The following EIF4G1 variants were observed in gnomAD, a reference collection of about 807,000 sequenced individuals.
The protein encoded by EIF4G1 is eukaryotic translation initiation factor 4 gamma 1, also known as EIF4-gamma.
A neutral mutation model predicts 187.8 loss-of-function variants in EIF4G1; 4 were observed. The ratio of observed to expected loss-of-function variants is 0.02; its 90% CI spans 0.01 to 0.05. The LOEUF is 0.05. EIF4G1 is among the 10% of genes least tolerant of loss of function. The probability of loss-of-function intolerance (pLI) is 1.00; values close to 1 mark genes in which losing one functional copy is unlikely to be tolerated. For synonymous variants in EIF4G1, 844 were observed against 781.4 expected, an observed-to-expected ratio of 1.08 and a Z score of -1.34; for missense variants, 1,647 against 2,081.1, an observed-to-expected ratio of 0.79 and a Z score of 4.06.
chr3:184,321,840 G>A lies in EIF4G1; in HGVS notation c.1256G>A (p.Ser419Asn). ...SPPAVDLSPVSEPEEQAKEVT... is the reference protein window; with the variant it reads ...SPPAVDLSPVNEPEEQAKEVT... ...CCAGCTGTGGACTTAAGCCCAGTCA[G>A]TGAGCCAGAGGAGCAGGCCAAGGAG... Residue 419 changes from serine (S) to asparagine (N), a missense_variant, in exon 10 of 33, where the codon AGT (serine) becomes AAT (asparagine). Transcript: ENST00000346169. 1 of 1,614,170 alleles carries A rather than the reference G, an allele frequency of 6.2e-7. No individual in the cohort carries two copies. Among genetic ancestry groups the A allele is most frequent in the Non-Finnish European group, 8.5e-7 (1 of 1,180,044 alleles).
chr3:184,320,516 C>T (rs1723708561), intron 7 of EIF4G1, 114 bp from the exon 8 acceptor site: 5 of 1,583,562 alleles, frequency 3.2e-6, no homozygotes, highest in Non-Finnish European at 4.3e-6. Context: ...CTGGCACCTA[C>T]CTACCTGCTT....
rs769269958 is a variant in EIF4G1 at position 184,317,783 on chromosome 3, C to A, written c.391C>A (p.Pro131Thr). 1.9e-6 allele frequency: 3 copies of A among 1,614,126 alleles called. No homozygotes were observed. The highest frequency in any genetic ancestry group is 1.7e-6 in the Non-Finnish European group (2 of 1,180,000). The change falls in exon 6 of 33, where the codon CCA becomes ACA. Residue 131 changes from proline (P) to threonine (T), a missense_variant. Coordinates refer to ENST00000346169, the MANE Select transcript of EIF4G1 (RefSeq NM_198241.3). ...GCAGCCAGGAGCCCCAGGCTTCTAT[C>A]CAGGTGCAAGCCCTACAGAATTTGG... ...PVQPGAPGFY[P>T]GASPTEFGTY...
intron 6 of EIF4G1, chr3:184,319,324 G>C (rs1723364383): frequency 3.1e-6 from 1 of 320,596 alleles, no homozygotes; most frequent in African/African-American, 2.1e-5. Context: ...CATGTTGATA[G>C]CGGGTGGGGT....
In EIF4G1 at chr3:184,320,719, C is replaced by G. The variant is rs1413825516; in HGVS notation, c.627C>G (p.Pro209=). Residue 209 remains proline (P), a synonymous_variant, in exon 8 of 33, where the codon CCC becomes CCG. Transcript: ENST00000346169. ...GARTASTPTP[P]QTGGGLEPQA... is the part of the protein sequence containing the mutation. ...GCACTGCCTCCACACCCACCCCTCC[C>G]CAGGTACTGTCTGCTTTTCGAGTGA... The G allele has an allele frequency of 9.3e-6, 15 of 1,614,188 alleles. 2 individuals carry two copies. The South Asian group carries it at 1.6e-4, about 18-fold the overall frequency.
In EIF4G1 at chr3:184,323,038, A is replaced by G. The variant is rs763135528; in HGVS notation, c.1930-45A>G. On this transcript the variant is annotated intron_variant, in intron 13 of 32. Transcript: ENST00000346169. The surrounding 1 kb of genome is among the most constrained non-coding windows in gnomAD (Gnocchi z 6.9). ...GCCTGAGGTCCTGAAAGAGTAGTCA[A>G]CCGCTCTAGCCTGCTTCTGAGACCT... 20 of 1,614,002 alleles carry G rather than the reference A, an allele frequency of 1.2e-5. No homozygotes were observed. The highest frequency in any genetic ancestry group is 9.9e-5 in the South Asian group (9 of 91,080).
At chr3:184,332,739 G>T (rs1726362776) in intron 32 of EIF4G1, among the ~76,000 whole-genome samples, 1 of 152,104 alleles carries the variant, frequency 6.6e-6, no homozygotes, top group Admixed American at 6.5e-5. Context: ...CACTATGTGT[G>T]TTCTTTCTAC....
intron 31 of EIF4G1, 40 bp downstream of exon 31, chr3:184,331,849 TGACA>T (rs1726173178): frequency 6.2e-7 from 1 of 1,613,968 alleles, no homozygotes; most frequent in African/African-American, 1.3e-5. Context: ...AGGGTGGGCC[TGACA>T]GACAAGTGGA....
Position 184,325,036 on chromosome 3 carries a change from C to T in EIF4G1, c.2778C>T (p.Asn926=), listed in dbSNP as rs1218057936. ...MHDCVVKLLK[N]HDEESLECLC... The stretch of plus-strand genomic sequence containing the variant: ...ACTGTGTGGTCAAACTGCTTAAGAA[C>T]CATGATGAAGAGTCCCTTGAGTGCC... Residue 926 remains asparagine, a synonymous_variant, in exon 18 of 33, where the codon AAC becomes AAT. Transcript: ENST00000346169. The surrounding 1 kb of genome is among the most constrained non-coding windows in gnomAD (Gnocchi z 5.2). 2.5e-6 allele frequency: 4 copies of T among 1,614,090 alleles called. No individual in the cohort carries two copies. The highest frequency in any genetic ancestry group is 3.3e-5 in the Admixed American group (2 of 60,010).
At chr3:184,331,686 G>A (rs1457398756) in intron 30 of EIF4G1, 42 bp from the exon 31 acceptor site, 1 of 1,613,980 alleles carries the variant, frequency 6.2e-7, no homozygotes, top group Non-Finnish European at 8.5e-7. Context: ...AGACTGAAGG[G>A]CCCAATTCAG....
chr3:184,320,192 G>A (rs977150788), intron 7 of EIF4G1: 30 of 1,074,578 alleles, frequency 2.8e-5, no homozygotes, highest in African/African-American at 1.8e-4. Context: ...AGCCCTGGGC[G>A]TGGTGCCCAG....
chr3:184,326,837 G>A (rs1476204582), intron 22 of EIF4G1, 44 bp from the exon 23 acceptor site: 2 of 1,611,668 alleles, frequency 1.2e-6, no homozygotes, highest in Non-Finnish European at 8.5e-7. Context: ...ATAAAATGCA[G>A]GAAAGGAGAA....
chr3:184,322,870 G>A lies in EIF4G1; in HGVS notation c.1845G>A (p.Glu615=), dbSNP rs1724155151. Residue 615 remains glutamate, a synonymous_variant, in exon 13 of 33, where the codon GAG becomes GAA. Transcript: ENST00000346169. The part of the protein sequence containing the change: ...NLEEKKRYDR[E]FLLGFQFIFA... ...AGGAGAAAAAACGTTACGACCGTGA[G>A]TTCCTGCTTGGTTTTCAGTTCATCT... 1.2e-6 allele frequency: 2 copies of A among 1,614,070 alleles called. No homozygotes were observed. The highest frequency in any genetic ancestry group is 1.7e-6 in the Non-Finnish European group (2 of 1,180,052).
At chr3:184,321,093 T>C in intron 9 of EIF4G1, 100 bp downstream of exon 9, 2 of 1,515,016 alleles carry the variant, frequency 1.3e-6, no homozygotes, top group African/African-American at 1.4e-5. Context: ...CAGAGAATGA[T>C]GACTTAGATT....
intron 26 of EIF4G1, chr3:184,328,359 C>G: frequency 3.8e-6 from 2 of 521,320 alleles, no homozygotes. Flanking sequence ...CCATTGCACT[C>G]CAGCCTGGGT....
intron 17 of EIF4G1, 39 bp from the exon 18 acceptor site, chr3:184,324,839 G>A (rs1169040483): frequency 6.2e-7 from 1 of 1,605,898 alleles, no homozygotes; most frequent in African/African-American, 1.3e-5. Context: ...CGAGTGGCTG[G>A]TTATCTTTTT....
At chr3:184,331,091 G>A (rs1238820707) in intron 28 of EIF4G1, among the ~76,000 whole-genome samples, 175 bp from the exon 29 acceptor site, 2 of 152,142 alleles carry the variant, frequency 1.3e-5, no homozygotes, top group Non-Finnish European at 2.9e-5. Flanking sequence ...TCTGTGCCCT[G>A]CACCAGACCG....
intron 30 of EIF4G1, 38 bp from the exon 31 acceptor site, chr3:184,331,690 A>G (rs763886594): frequency 1.2e-6 from 2 of 1,614,042 alleles, no homozygotes; most frequent in African/African-American, 2.7e-5. Context: ...TGAAGGGCCC[A>G]ATTCAGAATC....
At position 184,328,716 on chromosome 3, in the gene EIF4G1, A is replaced by G. The variant is rs1430682656; in HGVS notation, c.4039A>G (p.Ile1347Val). Residue 1347 changes from isoleucine to valine, a missense_variant, in exon 27 of 33, where the codon ATT (isoleucine) becomes GTT (valine). Transcript: ENST00000346169. ...WLYLAELVTPILQEGGVPMGE... is the reference protein window; with the variant it reads ...WLYLAELVTPVLQEGGVPMGE... Reference sequence around the variant, plus strand: ...CTACCTAGCGGAACTGGTAACACCCATTCTGCAGGAAGGTGGGGTGCCCAT... The same window carrying G: ...CTACCTAGCGGAACTGGTAACACCCGTTCTGCAGGAAGGTGGGGTGCCCAT... The G allele has an allele frequency of 4.3e-6, 7 of 1,614,036 alleles. No homozygotes were observed. The highest frequency in any genetic ancestry group is 5.9e-6 in the Non-Finnish European group (7 of 1,180,028).
rs370954767 is a variant in EIF4G1, at chr3:184,321,301, A to G, written c.717A>G (p.Ala239=). 23 of 1,614,010 alleles carry G rather than the reference A, an allele frequency of 1.4e-5. No individual in the cohort carries two copies. Among genetic ancestry groups the G allele is most frequent in the Non-Finnish European group, 1.9e-5 (23 of 1,180,032 alleles). ...GTGCAGATGACCGGTCACAGGGAGC[A>G]ATCATTGCTGACCGGCCAGGGCTGC... The part of the protein sequence containing the change: ...IVRPDDRSQG[A]IIADRPGLPG... Residue 239 remains alanine (A), a synonymous_variant, in exon 10 of 33, where the codon GCA becomes GCG. Transcript: ENST00000346169.
Sources: gnomAD v4.1 joint callset for allele counts (sites outside exome capture counted in the v4.1 genomes callset) on GRCh38, gnomAD v4.1.1 for gene constraint, Gnocchi (gnomAD v3.1) non-coding constraint, MANE v1.5 for transcripts, NCBI Gene and HGNC (gene_info 2026-07-23, HGNC 2026-07-21) for gene names.